Variants in RASGRF1 observed in about 807,000 individuals in gnomAD.
RASGRF1 encodes the protein ras-specific guanine nucleotide-releasing factor 1.
In RASGRF1, 40 loss-of-function variants were observed where a neutral mutation model predicts 138.7. The ratio of observed to expected loss-of-function variants is 0.29; its 90% CI spans 0.22 to 0.38. The LOEUF (loss-of-function observed/expected upper bound fraction) is 0.38, where lower values mean the gene tolerates loss of function less well. Ranked by LOEUF, RASGRF1 falls within the 10% of genes least tolerant of loss-of-function variation. RASGRF1 has a pLI of 1.00. For missense variants in RASGRF1, 1,108 were observed against 1,650.4 expected, an observed-to-expected ratio of 0.67 and a Z score of 5.69; for synonymous variants, 614 against 663.2, an observed-to-expected ratio of 0.93 and a Z score of 1.14.
chr15:78,989,612 A>T (rs964427333), intron 22 of RASGRF1, among the ~76,000 whole-genome samples: 5 of 152,308 alleles, frequency 3.3e-5, no homozygotes, highest in African/African-American at 1.2e-4. Flanking sequence ...TCTTACCACA[A>T]GAAAGGCAAG....
At chr15:79,015,585 C>T (rs569200688) in intron 12 of RASGRF1, among the ~76,000 whole-genome samples, 176 bp from the exon 13 acceptor site, 5 of 152,264 alleles carry the variant, frequency 3.3e-5, no homozygotes, top group South Asian at 2.1e-4. Context: ...AGACTTTGGC[C>T]GGAAGTCAAG....
At chr15:79,019,285 G>T (rs2140978087) in intron 11 of RASGRF1, among the ~76,000 whole-genome samples, 1 of 152,296 alleles carries the variant, frequency 6.6e-6, no homozygotes, top group South Asian at 2.1e-4. Context: ...GGTCAGTGAA[G>T]AAGGGAAATG....
rs956494845 is a variant in RASGRF1 at position 78,959,999 on chromosome 15, C to T, written c.*2145G>A. The stretch of plus-strand genomic sequence containing the variant: ...CTCTGTAATGAGATACCATTTTCAT[C>T]CCCATTTTTCAGATGAGAACAGTGA... On this transcript the variant is annotated 3_prime_UTR_variant, in exon 27 of 27. Coordinates refer to ENST00000558480, the MANE Select transcript of RASGRF1 (RefSeq NM_001145648.3). The T allele has an allele frequency of 6.6e-6, 1 of 152,146 alleles. No homozygotes were observed. The highest frequency in any genetic ancestry group is 2.4e-5 in the African/African-American group (1 of 41,416). 9.4% of individuals were successfully genotyped at this position (152,146 alleles called of 1,614,324 possible). A position where few individuals can be genotyped will look rare whatever the true frequency, so the allele number is the denominator to read the frequency against.
At chr15:79,059,456 C>A (rs948592070) in intron 2 of RASGRF1, among the ~76,000 whole-genome samples, 1 of 146,900 alleles carries the variant, frequency 6.8e-6, no homozygotes, top group Non-Finnish European at 1.5e-5. Context: ...ATCCTTCTAT[C>A]CCCCCTCGTG....
chr15:78,992,161 G>A (rs2056283473), intron 20 of RASGRF1, among the ~76,000 whole-genome samples: 2 of 152,230 alleles, frequency 1.3e-5, no homozygotes, highest in Admixed American at 6.5e-5. Context: ...AGCCCAGGTC[G>A]TCTGACTTCA....
intron 26 of RASGRF1, among the ~76,000 whole-genome samples, chr15:78,969,624 G>A (rs1160884346): frequency 1.3e-5 from 2 of 151,974 alleles, no homozygotes; most frequent in Non-Finnish European, 2.9e-5. Flanking sequence ...AACTGAGATC[G>A]CGCCATTGCA....
At chr15:79,062,768 T>C (rs760062297) in intron 2 of RASGRF1, among the ~76,000 whole-genome samples, 1 of 152,180 alleles carries the variant, frequency 6.6e-6, no homozygotes, top group Non-Finnish European at 1.5e-5. Flanking sequence ...GGTCTCCAAC[T>C]GCTGACCTCA....
At chr15:79,002,501 TC>T (rs2141704264) in intron 15 of RASGRF1, among the ~76,000 whole-genome samples, 1 of 152,240 alleles carries the variant, frequency 6.6e-6, no homozygotes, top group Admixed American at 6.5e-5. Context: ...GACAAGAATG[TC>T]CACAGGCACA....
Position 79,025,307 on chromosome 15 carries a change from C to T in RASGRF1, c.1542+7G>A. The T allele has an allele frequency of 6.2e-6, 10 of 1,603,686 alleles. No individual in the cohort carries two copies. The highest frequency in any genetic ancestry group is 7.7e-6 in the Non-Finnish European group (9 of 1,172,870). ...CAGCCCCCAAGCCCCTCTCCCGTAGCCCTTACCTTGGTCAAGTGAAGCTTC... is the reference window on the plus strand; with the variant it reads ...CAGCCCCCAAGCCCCTCTCCCGTAGTCCTTACCTTGGTCAAGTGAAGCTTC... On this transcript the variant is annotated splice_region_variant and intron_variant, in intron 10 of 26. Transcript: ENST00000558480.
intron 1 of RASGRF1, among the ~76,000 whole-genome samples, chr15:79,077,793 C>G (rs918981320): frequency 2.6e-5 from 4 of 152,088 alleles, no homozygotes; most frequent in African/African-American, 9.7e-5. Context: ...CATTACCCAC[C>G]TGGACCATCA....
chr15:79,059,749 A>AC (rs2057571815), intron 2 of RASGRF1, among the ~76,000 whole-genome samples: 1 of 151,816 alleles, frequency 6.6e-6, no homozygotes, highest in South Asian at 2.1e-4. Flanking sequence ...ATAAACACAC[A>AC]CCCCCCACAG....
At position 79,001,114 on chromosome 15, in the gene RASGRF1, TGCGGGTGA is replaced by T. The variant is rs1490207165; in HGVS notation, c.2575+540_2575+547del. Among the ~76,000 whole-genome samples, 3 of 152,376 alleles carry T rather than the reference TGCGGGTGA, an allele frequency of 2.0e-5. No individual in the cohort carries two copies. The East Asian group carries it at 5.8e-4, about 29-fold the overall frequency. ...TCCTTCAGGATCAGGAGTCTGGGAC[TGCGGGTGA>T]GCAATGTCACCGCCTCTTGGAGTCT... On this transcript the variant is annotated intron_variant, in intron 16 of 26. Transcript: ENST00000558480.
intron 6 of RASGRF1, among the ~76,000 whole-genome samples, chr15:79,034,874 T>C (rs998062740): frequency 6.6e-6 from 1 of 152,262 alleles, no homozygotes; most frequent in Non-Finnish European, 1.5e-5. Context: ...TTATGGGTTC[T>C]CAATTTTTCT....
intron 2 of RASGRF1, among the ~76,000 whole-genome samples, chr15:79,061,336 T>A (rs1009595573): frequency 6.7e-6 from 1 of 150,132 alleles, no homozygotes; most frequent in Non-Finnish European, 1.5e-5. Context: ...GGAGGTAAAA[T>A]AATGGGTGTT....
intron 13 of RASGRF1, among the ~76,000 whole-genome samples, chr15:79,008,230 G>A (rs928622227): frequency 6.6e-6 from 1 of 152,224 alleles, no homozygotes. Flanking sequence ...CTTTCACACT[G>A]TCTTTCTTAA....
intron 8 of RASGRF1, 125 bp downstream of exon 8, chr15:79,031,275 G>C: frequency 1.3e-6 from 1 of 753,082 alleles, no homozygotes; most frequent in East Asian, 2.7e-5. Flanking sequence ...GTGGCAAGCT[G>C]TGCCCCTCCC....
At chr15:79,070,672 G>A (rs563851173) in intron 1 of RASGRF1, among the ~76,000 whole-genome samples, 10 of 152,308 alleles carry the variant, frequency 6.6e-5, no homozygotes, top group African/African-American at 2.4e-4. Flanking sequence ...TTGCATGATT[G>A]TTGTGAGAGT....
chr15:79,008,648 G>C (rs2056734211), intron 13 of RASGRF1, among the ~76,000 whole-genome samples: 3 of 152,204 alleles, frequency 2.0e-5, no homozygotes, highest in Admixed American at 2.0e-4. Context: ...GAAAATCTGA[G>C]TGGTCTATTA....
Position 79,046,969 on chromosome 15 carries a change from G to A in RASGRF1, c.655C>T (p.Arg219Trp), listed in dbSNP as rs746324857. Residue 219 changes from arginine to tryptophan, a missense_variant, in exon 5 of 27, where the codon CGG becomes TGG. By Grantham distance (101) the Arg-to-Trp change is moderately radical. Transcript: ENST00000558480. This position sits in a 1 kb window ranked among gnomAD's most constrained non-coding sequence, Gnocchi z 5.3. The part of the protein sequence containing the change: ...VQSFLRGWLC[R>W]RKWKTIIQDY... ...TGGATGATGGTCTTCCACTTCCGCCGGCACAGCCAGCCCCGCAGGAAGCTC... is the reference window on the plus strand; with the variant it reads ...TGGATGATGGTCTTCCACTTCCGCCAGCACAGCCAGCCCCGCAGGAAGCTC... 4 of 1,613,262 alleles carry A rather than the reference G, an allele frequency of 2.5e-6. No individual in the cohort carries two copies. The highest frequency in any genetic ancestry group is 1.3e-5 in the African/African-American group (1 of 74,942).
Sources: gnomAD v4.1 joint callset for allele counts (sites outside exome capture counted in the v4.1 genomes callset) on GRCh38, gnomAD v4.1.1 for gene constraint, Gnocchi (gnomAD v3.1) non-coding constraint, MANE v1.5 for transcripts, NCBI Gene and HGNC (gene_info 2026-07-23, HGNC 2026-07-21) for gene names.